C1GALT1: variants seen among roughly 807,000 people sequenced by gnomAD.
C1GALT1 encodes core 1 synthase, glycoprotein-N-acetylgalactosamine 3-beta-galactosyltransferase 1.
In C1GALT1, 11 loss-of-function variants were observed where a neutral mutation model predicts 31.0. The observed-to-expected ratio is 0.36, with a 90% confidence interval of 0.22 to 0.59. C1GALT1 has a LOEUF of 0.59. C1GALT1 is among the 20% of genes least tolerant of loss of function. The pLI, the probability that C1GALT1 is intolerant of heterozygous loss-of-function variation, is 0.79. For missense variants in C1GALT1, 424 were observed against 425.2 expected (o/e 1.00, Z 0.03); for synonymous variants, 175 against 143.6 (o/e 1.22, Z -1.56).
chr7:7,172,436 T>C (rs567796273), intron 2 of C1GALT1, among the ~76,000 whole-genome samples: 1 of 152,304 alleles, frequency 6.6e-6, no homozygotes, highest in East Asian at 1.9e-4. Flanking sequence ...GTGGGTCTTT[T>C]TGAGTTTATC....
intron 2 of C1GALT1, among the ~76,000 whole-genome samples, chr7:7,169,883 G>A (rs191882941): frequency 6.6e-6 from 1 of 152,328 alleles, no homozygotes; most frequent in East Asian, 1.9e-4. Context: ...AAGTTAGAAA[G>A]TGTTCTTTCC....
intron 1 of C1GALT1, among the ~76,000 whole-genome samples, chr7:7,227,406 A>G (rs761204422): frequency 3.3e-5 from 5 of 152,188 alleles, no homozygotes; most frequent in Non-Finnish European, 5.9e-5. Flanking sequence ...TATCATGGGA[A>G]GGGAACTGTT....
intron 2 of C1GALT1, among the ~76,000 whole-genome samples, chr7:7,174,860 A>G (rs898118444): frequency 1.3e-5 from 2 of 151,942 alleles, no homozygotes; most frequent in South Asian, 4.1e-4. Context: ...GGCTTCCTTT[A>G]GTTCACTGTC....
At chr7:7,229,374 C>G (rs1782957174) in intron 1 of C1GALT1, among the ~76,000 whole-genome samples, 1 of 152,134 alleles carries the variant, frequency 6.6e-6, no homozygotes, top group African/African-American at 2.4e-5. Flanking sequence ...GCTCCAGGTT[C>G]ACTGCTTCAA....
At chr7:7,237,506 G>A (rs1218398861) in intron 2 of C1GALT1, among the ~76,000 whole-genome samples, 1 of 152,144 alleles carries the variant, frequency 6.6e-6, no homozygotes. Flanking sequence ...TTCTGTTCTG[G>A]TATAAGCTCC....
chr7:7,198,089 G>T (rs1239822724), intron 1 of C1GALT1, among the ~76,000 whole-genome samples: 2 of 152,316 alleles, frequency 1.3e-5, no homozygotes, highest in East Asian at 3.9e-4. Flanking sequence ...AGGAGGGTGA[G>T]GGAGGGCATC....
chr7:7,190,712 G>C (rs1352900040), intron 1 of C1GALT1, among the ~76,000 whole-genome samples: 1 of 151,710 alleles, frequency 6.6e-6, no homozygotes, highest in African/African-American at 2.4e-5. Flanking sequence ...AATAATTTTT[G>C]CCACATTAAT....
upstream of C1GALT1, among the ~76,000 whole-genome samples, chr7:7,180,761 G>A (rs1463871541): frequency 1.3e-5 from 2 of 152,154 alleles, no homozygotes; most frequent in African/African-American, 4.8e-5. Context: ...GCCACAGCCT[G>A]TGCCTGTAAT....
intron 1 of C1GALT1, among the ~76,000 whole-genome samples, chr7:7,215,697 T>G (rs1782205044): frequency 6.7e-6 from 1 of 149,594 alleles, no homozygotes; most frequent in Non-Finnish European, 1.5e-5. Flanking sequence ...TTCTTTTCCC[T>G]TTTGGCGTAC....
chr7:7,234,472 A>G lies in C1GALT1; in HGVS notation c.153A>G (p.Ser51=), dbSNP rs754464848. 37 of 1,613,888 alleles carry G rather than the reference A, an allele frequency of 2.3e-5. No homozygotes were observed. Among genetic ancestry groups the G allele is most frequent in the Non-Finnish European group, 4.2e-6 (5 of 1,179,922 alleles). ...ATAATGATCCTCATGCAAGGCATTC[A>G]GATGATAATGGACAGAATCATCTAG... ...VLHNDPHARH[S]DDNGQNHLEG... is the part of the protein sequence containing the mutation. Residue 51 remains serine (S), a synonymous_variant, in exon 2 of 4, where the codon TCA becomes TCG. Coordinates refer to ENST00000436587, the MANE Select transcript of C1GALT1 (RefSeq NM_020156.5).
chr7:7,193,797 C>T (rs1781173006), intron 1 of C1GALT1, among the ~76,000 whole-genome samples: 1 of 152,108 alleles, frequency 6.6e-6, no homozygotes, highest in South Asian at 2.1e-4. Flanking sequence ...ATTGATTCTA[C>T]CCATCCATGA....
At chr7:7,216,574 T>C (rs1401132502) in intron 1 of C1GALT1, among the ~76,000 whole-genome samples, 1 of 151,962 alleles carries the variant, frequency 6.6e-6, no homozygotes. Context: ...GTGCTATAGA[T>C]TGCCTGCTAT....
chr7:7,175,401 G>A (rs1780494826), intron 2 of C1GALT1, among the ~76,000 whole-genome samples: 2 of 152,198 alleles, frequency 1.3e-5, no homozygotes, highest in South Asian at 4.1e-4. Flanking sequence ...TTTCTCAGGT[G>A]TTTTCTAAGC....
intron 1 of C1GALT1, among the ~76,000 whole-genome samples, chr7:7,233,463 A>AT (rs367670489): frequency 6.6e-6 from 1 of 152,128 alleles, no homozygotes; most frequent in African/African-American, 2.4e-5. Context: ...TGCCCAGCTA[A>AT]TTTTTTACCA....
intron 2 of C1GALT1, among the ~76,000 whole-genome samples, chr7:7,177,277 T>TAATAATTGCCTCATCTC (rs1318033552): frequency 1.3e-5 from 2 of 152,324 alleles, no homozygotes; most frequent in Non-Finnish European, 2.9e-5. Flanking sequence ...TGTGCATTGT[T>TAATAATTGCCTCATCTC]AATAATTGCC....
At chr7:7,184,382 AT>A (rs1278183018) in intron 1 of C1GALT1, among the ~76,000 whole-genome samples, 1 of 152,186 alleles carries the variant, frequency 6.6e-6, no homozygotes, top group Non-Finnish European at 1.5e-5. Flanking sequence ...AGGATTAAGC[AT>A]TTTAGAAATA....
At chr7:7,235,303 A>G (rs978866382) in intron 2 of C1GALT1, 8 of 152,164 alleles carry the variant, frequency 5.3e-5, no homozygotes, top group Non-Finnish European at 2.9e-5. Flanking sequence ...AGGGTCCACT[A>G]TTCAGTTTTT....
intron 3 of C1GALT1, among the ~76,000 whole-genome samples, chr7:7,241,810 T>C (rs1174283849): frequency 1.3e-5 from 2 of 151,988 alleles, no homozygotes; most frequent in Admixed American, 6.6e-5. Flanking sequence ...CTAGCTCTTG[T>C]TTTCTAATAA....
intron 1 of C1GALT1, among the ~76,000 whole-genome samples, chr7:7,200,784 A>G (rs967479077): frequency 2.0e-5 from 3 of 152,124 alleles, no homozygotes; most frequent in African/African-American, 7.2e-5. Flanking sequence ...CCACCTGATC[A>G]ATTCGGCTAC....
Sources: gnomAD v4.1 joint callset for allele counts (sites outside exome capture counted in the v4.1 genomes callset) on GRCh38, gnomAD v4.1.1 for gene constraint, MANE v1.5 for transcripts, NCBI Gene and HGNC (gene_info 2026-07-23, HGNC 2026-07-21) for gene names.